NOCT: variants seen among roughly 807,000 people sequenced by gnomAD.
NOCT encodes the protein CCR4 carbon catabolite repression 4-like.
NOCT carries 18 observed loss-of-function variants against 35.0 expected under a neutral mutation model. The observed-to-expected ratio is 0.51, with a 90% CI of 0.36 to 0.76. The LOEUF is 0.76. NOCT is among the 30% of genes least tolerant of loss of function. The probability of loss-of-function intolerance (pLI) is 0.01; values close to 1 mark genes in which losing one functional copy is unlikely to be tolerated. For synonymous variants in NOCT, 235 were observed against 226.3 expected, an observed-to-expected ratio of 1.04 and a Z score of -0.34; for missense variants, 479 against 541.0, an observed-to-expected ratio of 0.89 and a Z score of 1.14.
chr4:139,034,425 TTAAA>T lies in NOCT; in HGVS notation c.191-8642_191-8639del, dbSNP rs1191857871. Among the ~76,000 whole-genome samples, 4 of 152,268 alleles carry T rather than the reference TTAAA, an allele frequency of 2.6e-5. No homozygotes were observed. The East Asian group carries it at 7.7e-4, about 29-fold the overall frequency. Reference sequence around the variant, plus strand: ...CTTCAGTCTTCTTTAGTTTACAAATTTAAATAAATAGACTTACTACATTATAGTC... The same window carrying T: ...CTTCAGTCTTCTTTAGTTTACAAATTTAAATAGACTTACTACATTATAGTC... On this transcript the variant is annotated intron_variant, in intron 1 of 2. Coordinates refer to ENST00000280614, the MANE Select transcript of NOCT (RefSeq NM_012118.4).
At chr4:139,019,687 T>C (rs1726374771) in intron 1 of NOCT, among the ~76,000 whole-genome samples, 1 of 152,192 alleles carries the variant, frequency 6.6e-6, no homozygotes, top group African/African-American at 2.4e-5. Flanking sequence ...CCTTTGGAGT[T>C]ATCAGATTCC....
At chr4:139,033,809 A>G (rs1053460984) in intron 1 of NOCT, among the ~76,000 whole-genome samples, 7 of 151,670 alleles carry the variant, frequency 4.6e-5, no homozygotes, top group Non-Finnish European at 7.4e-5. Context: ...GTCATGGTTC[A>G]CTGCAACTTC....
intron 1 of NOCT, among the ~76,000 whole-genome samples, chr4:139,021,193 G>T (rs1441211616): frequency 6.6e-6 from 1 of 152,074 alleles, no homozygotes; most frequent in African/African-American, 2.4e-5. Flanking sequence ...TGTCGAGACG[G>T]GTTTTGCCGT....
intron 1 of NOCT, among the ~76,000 whole-genome samples, chr4:139,029,207 TTTAGC>T (rs1332348831): frequency 1.2e-4 from 19 of 152,220 alleles, no homozygotes; most frequent in Admixed American, 1.2e-3. Flanking sequence ...ATAGCTAACA[TTTAGC>T]TAATCACTTA....
chr4:139,042,879 A>C (rs1406685140), intron 1 of NOCT, among the ~76,000 whole-genome samples, 195 bp from the exon 2 acceptor site: 1 of 149,948 alleles, frequency 6.7e-6, no homozygotes, highest in Admixed American at 6.8e-5. Flanking sequence ...GTGCCATTGC[A>C]CTCCAGCCTG....
rs1695684671 is a variant in NOCT, at chr4:139,045,048, C to T, written c.870C>T (p.Arg290=). ...FCIAVTHLKA[R]TGWERFRSAQ... ...TCGCTGTTACCCATCTAAAAGCACG[C>T]ACTGGCTGGGAGCGGTTTCGATCAG... Residue 290 remains arginine (R), a synonymous_variant, in exon 3 of 3, where the codon CGC becomes CGT. Transcript: ENST00000280614. 1 of 1,614,128 alleles carries T rather than the reference C, an allele frequency of 6.2e-7. No homozygotes were observed. The highest frequency in any genetic ancestry group is 1.7e-5 in the Admixed American group (1 of 60,008).
intron 1 of NOCT, among the ~76,000 whole-genome samples, chr4:139,031,212 C>T (rs11737463): frequency 0.18 from 27,712 of 150,940 alleles, 2,793 homozygotes; most frequent in South Asian, 0.32. Flanking sequence ...TGCAGTGGCG[C>T]GATCTCAGCT....
intron 1 of NOCT, among the ~76,000 whole-genome samples, chr4:139,030,743 A>G (rs1474655089): frequency 6.6e-6 from 1 of 152,148 alleles, no homozygotes; most frequent in Non-Finnish European, 1.5e-5. Flanking sequence ...TCTGGAACCT[A>G]CTCTAAGAAG....
Position 139,015,955 on chromosome 4 carries a change from G to T in NOCT, c.-27G>T. 2 of 1,324,944 alleles carry T rather than the reference G, an allele frequency of 1.5e-6. No individual in the cohort carries two copies. The highest frequency in any genetic ancestry group is 1.9e-6 in the Non-Finnish European group (2 of 1,042,640). The allele number at this position is 1,324,944 out of a possible 1,614,324, so 82.1% of individuals were successfully genotyped here. On this transcript the variant is annotated 5_prime_UTR_variant, in exon 1 of 3. It adds an upstream start codon to the 5' untranslated region. Coordinates refer to ENST00000280614, the MANE Select transcript of NOCT (RefSeq NM_012118.4). The stretch of plus-strand genomic sequence containing the variant: ...CGGGCTCCGCTCCTCGGGCGCGCGA[G>T]GGGCCGTGGTGGCGGCGGCGCCCGG...
At chr4:139,024,045 C>CTTTTTTTTTT (rs368349308) in intron 1 of NOCT, among the ~76,000 whole-genome samples, 2 of 130,998 alleles carry the variant, frequency 1.5e-5, no homozygotes, top group African/African-American at 2.9e-5. Flanking sequence ...TCTATTCATC[C>CTTTTTTTTTT]TTTTTTTTTT....
rs10541748 is a variant in NOCT, at chr4:139,016,641, G to GT, written c.190+500dup. ...ATAACACATTGATTCGTTTTACGTTGTTTTTTTTTTTTTTTTTTTTTTTTT... is the reference window on the plus strand; with the variant it reads ...ATAACACATTGATTCGTTTTACGTTGTTTTTTTTTTTTTTTTTTTTTTTTTT... On this transcript the variant is annotated intron_variant, in intron 1 of 2. Coordinates refer to ENST00000280614, the MANE Select transcript of NOCT (RefSeq NM_012118.4). 1.2e-3 allele frequency among the ~76,000 whole-genome samples: 65 copies of GT among 53,802 alleles called. 12 individuals are homozygous for GT. Among genetic ancestry groups the GT allele is most frequent in the African/African-American group, 2.9e-3 (38 of 13,092 alleles). The allele number at this position is 53,802 out of a possible 152,430, so 35.3% of individuals were successfully genotyped here.
At position 139,045,265 on chromosome 4, in the gene NOCT, A is replaced by T. The variant is rs753720979; in HGVS notation, c.1087A>T (p.Thr363Ser). The change falls in exon 3 of 3, where the codon ACC becomes TCC. Residue 363 changes from threonine to serine, a missense_variant. Thr to Ser is a moderately conservative substitution (Grantham distance 58, BLOSUM62 1). Coordinates refer to ENST00000280614, the MANE Select transcript of NOCT (RefSeq NM_012118.4). The stretch of plus-strand genomic sequence containing the variant: ...TGGGCAGTCAGAACCCCCATACACT[A>T]CCTGGAAGATCCGGACCTCAGGGGA... ...ADGQSEPPYT[T>S]WKIRTSGECR... The T allele has an allele frequency of 1.2e-6, 2 of 1,614,136 alleles. No homozygotes were observed. The highest frequency in any genetic ancestry group is 1.1e-5 in the South Asian group (1 of 91,086).
chr4:139,043,976 A>ATATG (rs896957153), intron 2 of NOCT: 2 of 107,922 alleles, frequency 1.9e-5, no homozygotes, highest in African/African-American at 6.3e-5. Context: ...TCTCAAAAAA[A>ATATG]TATGTATATA....
At chr4:139,042,927 A>G (rs886754587) in intron 1 of NOCT, 147 bp from the exon 2 acceptor site, 3 of 698,694 alleles carry the variant, frequency 4.3e-6, no homozygotes, top group Admixed American at 3.3e-5. Context: ...AAAAAAAAAA[A>G]AAGAAAAAAG....
intron 1 of NOCT, among the ~76,000 whole-genome samples, chr4:139,034,895 T>C (rs1472339316): frequency 6.6e-6 from 1 of 152,208 alleles, no homozygotes; most frequent in Non-Finnish European, 1.5e-5. Context: ...TGTCATTTCA[T>C]GTTGTTTTTG....
intron 1 of NOCT, among the ~76,000 whole-genome samples, chr4:139,016,568 T>C (rs1024424993): frequency 2.0e-5 from 3 of 151,754 alleles, no homozygotes; most frequent in Non-Finnish European, 2.9e-5. Context: ...TATTTGCTTA[T>C]ATAGCTTTCA....
intron 1 of NOCT, among the ~76,000 whole-genome samples, chr4:139,038,626 C>G (rs184846416): frequency 9.2e-4 from 140 of 152,282 alleles, no homozygotes; most frequent in African/African-American, 3.2e-3. Context: ...ACCACCACTA[C>G]TAATTATGAT....
At chr4:139,038,729 C>T (rs1164387145) in intron 1 of NOCT, among the ~76,000 whole-genome samples, 3 of 152,010 alleles carry the variant, frequency 2.0e-5, no homozygotes, top group South Asian at 2.1e-4. Context: ...CTCATCCTGC[C>T]CCCTCCTTTT....
At chr4:139,030,396 A>G (rs796721897) in intron 1 of NOCT, among the ~76,000 whole-genome samples, 3 of 152,308 alleles carry the variant, frequency 2.0e-5, no homozygotes, top group African/African-American at 7.2e-5. Flanking sequence ...GTCACTTGCC[A>G]TCTTTTATTA....
Sources: allele counts gnomAD v4.1 joint callset (sites outside exome capture counted in the v4.1 genomes callset), GRCh38; gene constraint gnomAD v4.1.1; transcripts MANE v1.5; gene names NCBI Gene and HGNC (gene_info 2026-07-23, HGNC 2026-07-21).